CDH13: variants seen among roughly 807,000 people sequenced by gnomAD.
CDH13 encodes the protein cadherin-13.
CDH13 carries 24 observed loss-of-function variants against 63.8 expected under a neutral mutation model. That is an observed-to-expected ratio of 0.38 (90% CI 0.27 to 0.53). The LOEUF (loss-of-function observed/expected upper bound fraction) is 0.53, where lower values mean the gene tolerates loss of function less well. Ranked by LOEUF, CDH13 falls within the 20% of genes least tolerant of loss-of-function variation. CDH13 has a pLI of 0.85. For missense variants in CDH13, 1,049 were observed against 903.1 expected, an observed-to-expected ratio of 1.16 and a Z score of -2.07; for synonymous variants, 503 against 355.3, an observed-to-expected ratio of 1.42 and a Z score of -4.67.
At chr16:83,434,652 T>G (rs1318701240) in intron 6 of CDH13, among the ~76,000 whole-genome samples, 1 of 151,852 alleles carries the variant, frequency 6.6e-6, no homozygotes, top group Non-Finnish European at 1.5e-5. Context: ...TACATAGCCC[T>G]TCCTCTTATC....
chr16:83,376,353 A>G (rs2091459326), intron 6 of CDH13, among the ~76,000 whole-genome samples: 1 of 152,204 alleles, frequency 6.6e-6, no homozygotes, highest in South Asian at 2.1e-4. Context: ...GAAAGGTGAT[A>G]CCAGCCCTTC....
chr16:83,383,446 T>C (rs2091610577), intron 6 of CDH13, among the ~76,000 whole-genome samples: 1 of 152,162 alleles, frequency 6.6e-6, no homozygotes, highest in South Asian at 2.1e-4. Flanking sequence ...AAGCCTTGAC[T>C]CACCTGCCAG....
At chr16:83,477,601 A>T (rs947241505) in intron 6 of CDH13, among the ~76,000 whole-genome samples, 1 of 152,136 alleles carries the variant, frequency 6.6e-6, no homozygotes, top group Non-Finnish European at 1.5e-5. Flanking sequence ...CGGACAGATG[A>T]TGAATTTTTC....
At chr16:82,903,660 T>G (rs946704597) in intron 2 of CDH13, among the ~76,000 whole-genome samples, 1 of 152,190 alleles carries the variant, frequency 6.6e-6, no homozygotes, top group African/African-American at 2.4e-5. Flanking sequence ...CTACTTGGAA[T>G]CAGACCCTAA....
At chr16:83,584,303 C>T (rs758696902) in intron 7 of CDH13, among the ~76,000 whole-genome samples, 10 of 152,044 alleles carry the variant, frequency 6.6e-5, no homozygotes, top group African/African-American at 2.4e-5. Flanking sequence ...CACTCCAGCC[C>T]GGGCAATAGA....
intron 1 of CDH13, among the ~76,000 whole-genome samples, chr16:82,784,040 ACT>A (rs958828445): frequency 3.9e-5 from 6 of 151,902 alleles, no homozygotes; most frequent in African/African-American, 1.5e-4. Flanking sequence ...ATCCTTTTTC[ACT>A]CTTGCCCAGT....
At chr16:82,717,295 G>A (rs1351246862) in intron 1 of CDH13, among the ~76,000 whole-genome samples, 2 of 151,974 alleles carry the variant, frequency 1.3e-5, no homozygotes, top group African/African-American at 2.4e-5. Context: ...AATTAATAAG[G>A]TGTGGTGGTT....
chr16:83,151,173 A>G (rs2036963479), intron 4 of CDH13, among the ~76,000 whole-genome samples: 1 of 152,190 alleles, frequency 6.6e-6, no homozygotes, highest in Non-Finnish European at 1.5e-5. Context: ...GGCACGGAAT[A>G]TCCCTGTAGG....
intron 2 of CDH13, among the ~76,000 whole-genome samples, chr16:82,991,225 T>C (rs1179252684): frequency 6.6e-6 from 1 of 152,230 alleles, no homozygotes; most frequent in African/African-American, 2.4e-5. Flanking sequence ...AATGACACAT[T>C]CAACTGAAAA....
At chr16:83,162,829 A>C (rs1196860702) in intron 4 of CDH13, among the ~76,000 whole-genome samples, 4 of 152,098 alleles carry the variant, frequency 2.6e-5, no homozygotes, top group Non-Finnish European at 4.4e-5. Flanking sequence ...CCACCCTTGG[A>C]GAAATGGTGT....
At chr16:82,815,241 G>C (rs1416501716) in intron 1 of CDH13, among the ~76,000 whole-genome samples, 1 of 152,040 alleles carries the variant, frequency 6.6e-6, no homozygotes, top group South Asian at 2.1e-4. Flanking sequence ...AAGGCACAGA[G>C]ACCCCGAATG....
chr16:83,260,095 A>AAAACACACAC (rs1224528199), intron 5 of CDH13, among the ~76,000 whole-genome samples: 2 of 58,764 alleles, frequency 3.4e-5, no homozygotes, highest in Non-Finnish European at 8.0e-5. Context: ...ATGTACCCCC[A>AAAACACACAC]ATACACACAC....
In CDH13 at chr16:83,352,579, T is replaced by C. The variant is rs570654503; in HGVS notation, c.781+7573T>C. On this transcript the variant is annotated intron_variant, in intron 6 of 13. Transcript: ENST00000567109. The stretch of plus-strand genomic sequence containing the variant: ...ACATACATACACACACACAATGGAA[T>C]ACTATTCAGCCATATAAAAGTATAA... Among the ~76,000 whole-genome samples the C allele has an allele frequency of 9.2e-5, 14 of 152,302 alleles. No individual in the cohort carries two copies. The East Asian group carries it at 2.5e-3, about 27-fold the overall frequency.
chr16:83,689,750 C>T, intron 10 of CDH13, among the ~76,000 whole-genome samples: 1 of 152,164 alleles, frequency 6.6e-6, no homozygotes, highest in Non-Finnish European at 1.5e-5. Context: ...TGAGTGTAGG[C>T]TGCACATGTG....
chr16:82,823,339 C>G (rs910716329), intron 1 of CDH13: 1 of 151,788 alleles, frequency 6.6e-6, no homozygotes, highest in African/African-American at 2.4e-5. Flanking sequence ...GTGGCCGTTA[C>G]TAGAATATAT....
chr16:82,982,866 GAGA>G (rs1910464418), intron 2 of CDH13, among the ~76,000 whole-genome samples: 3 of 152,126 alleles, frequency 2.0e-5, no homozygotes, highest in African/African-American at 7.2e-5. Context: ...AACTTTCAGT[GAGA>G]AGAAGTAAAT....
chr16:83,092,995 A>G (rs557453595), intron 3 of CDH13, among the ~76,000 whole-genome samples: 56 of 152,320 alleles, frequency 3.7e-4, no homozygotes, highest in Non-Finnish European at 4.3e-4. Context: ...GATAGTATCT[A>G]CTAATGAAAA....
chr16:83,389,056 G>T (rs141370104), intron 6 of CDH13, among the ~76,000 whole-genome samples: 5 of 152,086 alleles, frequency 3.3e-5, no homozygotes, highest in African/African-American at 1.2e-4. Flanking sequence ...GAATCCACAG[G>T]CTTAACATGT....
intron 2 of CDH13, among the ~76,000 whole-genome samples, chr16:83,001,943 A>C (rs1597387849): frequency 6.6e-6 from 1 of 152,330 alleles, no homozygotes; most frequent in East Asian, 1.9e-4. Context: ...AGAAAAGGGA[A>C]GACAAAAAAG....
Sources: allele counts gnomAD v4.1 joint callset (sites outside exome capture counted in the v4.1 genomes callset), GRCh38; gene constraint gnomAD v4.1.1; transcripts MANE v1.5; gene names NCBI Gene and HGNC (gene_info 2026-07-23, HGNC 2026-07-21).